The following TGDS variants were observed in gnomAD, a reference collection of about 807,000 sequenced individuals.
TGDS encodes the protein UDP-D-glucose 4,6-dehydratase.
Under a neutral mutation model 52.3 loss-of-function variants are expected in TGDS, and 47 were observed. That is an observed-to-expected ratio of 0.90 (90% CI 0.71 to 1.15). TGDS has a LOEUF of 1.15. Ranked by LOEUF, TGDS falls within the 50% of genes most tolerant of loss-of-function variation. The probability of loss-of-function intolerance (pLI) is 0.00; values close to 1 mark genes in which losing one functional copy is unlikely to be tolerated. For synonymous variants in TGDS, 115 were observed against 136.9 expected (o/e 0.84, Z 1.12); for missense variants, 375 against 418.4 (o/e 0.90, Z 0.90).
intron 7 of TGDS, chr13:94,579,315 T>C: frequency 6.6e-6 from 1 of 152,556 alleles, no homozygotes; most frequent in Non-Finnish European, 1.5e-5. Context: ...CAAAGTTATA[T>C]AAAATCAGGC....
chr13:94,594,042 A>G (rs1026596309), intron 1 of TGDS, 135 bp from the exon 2 acceptor site: 12 of 569,402 alleles, frequency 2.1e-5, no homozygotes, highest in Non-Finnish European at 3.1e-5. Context: ...AGAAAACATA[A>G]CTACACTAAA....
At chr13:94,585,339 C>T (rs1034905464) in intron 4 of TGDS, among the ~76,000 whole-genome samples, 6 of 151,996 alleles carry the variant, frequency 3.9e-5, no homozygotes, top group South Asian at 2.1e-4. Context: ...TGAGCCACTG[C>T]GCCTGGCTGG....
At position 94,576,401 on chromosome 13, in the gene TGDS, C is replaced by A. The variant is rs376831797; in HGVS notation, c.895G>T (p.Asp299Tyr). 12 of 1,590,688 alleles carry A rather than the reference C, an allele frequency of 7.5e-6. No homozygotes were observed. The highest frequency in any genetic ancestry group is 1.0e-5 in the Non-Finnish European group (12 of 1,168,756). ...TCTGACTTCATTGGGTATCTCATGT[C>A]ATTGGTGGGTCTTGGAAAACAAAAC... Reference protein sequence around the residue: ...VDYVNDRPTNDMRYPMKSEKI... With the variant: ...VDYVNDRPTNYMRYPMKSEKI... Residue 299 changes from aspartate (D) to tyrosine (Y), a missense_variant, in exon 11 of 12, where the codon GAC (aspartate) becomes TAC (tyrosine). Asp to Tyr is a radical substitution (Grantham distance 160). Coordinates refer to ENST00000261296, the MANE Select transcript of TGDS (RefSeq NM_014305.4).
At position 94,592,236 on chromosome 13, in the gene TGDS, C is replaced by T. The variant is rs201942190; in HGVS notation, c.222+5G>A. The T allele has an allele frequency of 1.3e-4, 211 of 1,601,394 alleles. No homozygotes were observed. Among genetic ancestry groups the T allele is most frequent in the Non-Finnish European group, 1.7e-4 (205 of 1,173,156 alleles). On this transcript the variant is annotated splice_donor_5th_base_variant and intron_variant, in intron 3 of 11. Coordinates refer to ENST00000261296, the MANE Select transcript of TGDS (RefSeq NM_014305.4). ...CACGGTACAGTTACAAGAAAATGTT[C>T]ATACCTGTATAAATTTGTAGTTCTG... is the stretch of plus-strand genomic sequence containing the variant.
At chr13:94,586,588 A>T (rs1460257188) in intron 4 of TGDS, among the ~76,000 whole-genome samples, 3 of 152,188 alleles carry the variant, frequency 2.0e-5, no homozygotes, top group Non-Finnish European at 4.4e-5. Context: ...CCATATACTG[A>T]ACCAAAAAGC....
At chr13:94,585,160 G>A (rs1275460372) in intron 4 of TGDS, among the ~76,000 whole-genome samples, 1 of 151,386 alleles carries the variant, frequency 6.6e-6, no homozygotes, top group African/African-American at 2.4e-5. Context: ...AGCCATTCTT[G>A]TGTCTCAGCC....
intron 4 of TGDS, among the ~76,000 whole-genome samples, chr13:94,587,307 A>AT (rs1889026763): frequency 6.6e-6 from 1 of 152,244 alleles, no homozygotes; most frequent in Non-Finnish European, 1.5e-5. Flanking sequence ...ACAAACACGC[A>AT]TAAGAAAAGA....
At chr13:94,586,097 A>T (rs997653721) in intron 4 of TGDS, among the ~76,000 whole-genome samples, 13 of 151,942 alleles carry the variant, frequency 8.6e-5, no homozygotes, top group East Asian at 7.7e-4. Flanking sequence ...TCTTTTTTTT[A>T]AAAAAAGTAA....
chr13:94,593,923 A>G lies in TGDS; in HGVS notation c.87-16T>C, dbSNP rs779421502. The G allele has an allele frequency of 1.2e-5, 18 of 1,507,692 alleles. 1 individual carries two copies. In the South Asian group the frequency reaches 1.7e-4, roughly 15 times the overall value. The allele number at this position is 1,507,692 out of a possible 1,614,324, so 93.4% of individuals were successfully genotyped here. ...ATGTGATGCACTATGGAAAAAAAGTATATCTTGTTAGTGAAAAACTTTAAC... is the reference window on the plus strand; with the variant it reads ...ATGTGATGCACTATGGAAAAAAAGTGTATCTTGTTAGTGAAAAACTTTAAC... On this transcript the variant is annotated splice_polypyrimidine_tract_variant and intron_variant, in intron 1 of 11. Coordinates refer to ENST00000261296, the MANE Select transcript of TGDS (RefSeq NM_014305.4).
At position 94,576,415 on chromosome 13, in the gene TGDS, G is replaced by A. The variant is rs1441514957; in HGVS notation, c.885-4C>T. Reference sequence around the variant, plus strand: ...GTATCTCATGTCATTGGTGGGTCTTGGAAAACAAAACAGATTTAAAATAAT... The same window carrying A: ...GTATCTCATGTCATTGGTGGGTCTTAGAAAACAAAACAGATTTAAAATAAT... On this transcript the variant is annotated splice_region_variant and splice_polypyrimidine_tract_variant and intron_variant, in intron 10 of 11. Transcript: ENST00000261296. The A allele has an allele frequency of 6.4e-7, 1 of 1,564,346 alleles. No homozygotes were observed. The highest frequency in any genetic ancestry group is 1.8e-5 in the Admixed American group (1 of 54,762).
intron 6 of TGDS, 26 bp from the exon 7 acceptor site, chr13:94,579,979 C>T (rs959643943): frequency 6.7e-6 from 10 of 1,498,438 alleles, no homozygotes; most frequent in Non-Finnish European, 8.3e-6. Context: ...AACATTAAGG[C>T]TTTTAAAAAG....
chr13:94,581,382 G>C (rs1034901974), intron 5 of TGDS, among the ~76,000 whole-genome samples, 193 bp from the exon 6 acceptor site: 1 of 152,180 alleles, frequency 6.6e-6, no homozygotes, highest in African/African-American at 2.4e-5. Context: ...AGCAGAGAGA[G>C]AGAACAGCAA....
chr13:94,578,317 A>G (rs1162799251), intron 8 of TGDS, 147 bp from the exon 9 acceptor site: 2 of 865,134 alleles, frequency 2.3e-6, no homozygotes, highest in African/African-American at 3.5e-5. Flanking sequence ...TAGCTTTTCT[A>G]AATTTTGTTC....
intron 4 of TGDS, among the ~76,000 whole-genome samples, chr13:94,585,017 C>T (rs1342928355): frequency 6.6e-6 from 1 of 152,016 alleles, no homozygotes; most frequent in African/African-American, 2.4e-5. Flanking sequence ...CTGGCTTTTC[C>T]ATAACAATTA....
chr13:94,581,065 C>A (rs751363223), intron 6 of TGDS, 26 bp downstream of exon 6: 2 of 1,309,634 alleles, frequency 1.5e-6, no homozygotes, highest in Non-Finnish European at 2.1e-6. Flanking sequence ...GAAAATGTTT[C>A]AAGAGTTTCT....
rs770785558 is a variant in TGDS at position 94,576,930 on chromosome 13, G to A, written c.884+441C>T. On this transcript the variant is annotated intron_variant, in intron 10 of 11. Coordinates refer to ENST00000261296, the MANE Select transcript of TGDS (RefSeq NM_014305.4). ...ATCCTGGCCAACATGGTGCAAACCC[G>A]TCTCTACTAAAAATACGAAAATTAG... Among the ~76,000 whole-genome samples, 3 of 152,018 alleles carry A rather than the reference G, an allele frequency of 2.0e-5. No individual in the cohort carries two copies. In the South Asian group the frequency reaches 6.2e-4, roughly 32 times the overall value.
At chr13:94,581,263 C>T (rs1888781917) in intron 5 of TGDS, 74 bp from the exon 6 acceptor site, 3 of 967,610 alleles carry the variant, frequency 3.1e-6, no homozygotes, top group Non-Finnish European at 4.4e-6. Flanking sequence ...TATGTTAACA[C>T]TTCAAATGTC....
At chr13:94,584,790 T>G (rs1888922255) in intron 4 of TGDS, among the ~76,000 whole-genome samples, 1 of 152,186 alleles carries the variant, frequency 6.6e-6, no homozygotes, top group Non-Finnish European at 1.5e-5. Flanking sequence ...CAAAAAGGAC[T>G]CAGGAAGCAA....
intron 1 of TGDS, 24 bp downstream of exon 1, chr13:94,596,027 T>C (rs1178289239): frequency 6.2e-7 from 1 of 1,613,578 alleles, no homozygotes; most frequent in African/African-American, 1.3e-5. Context: ...GAGCCACTGC[T>C]TGGCTAGCGG....
Sources: gnomAD v4.1 joint callset for allele counts (sites outside exome capture counted in the v4.1 genomes callset) on GRCh38, gnomAD v4.1.1 for gene constraint, MANE v1.5 for transcripts, NCBI Gene and HGNC (gene_info 2026-07-23, HGNC 2026-07-21) for gene names.